Variants in FSD1L observed in about 807,000 individuals in gnomAD.
FSD1L encodes fibronectin type III and SPRY domain containing 1 like.
In FSD1L, 45 loss-of-function variants were observed where a neutral mutation model predicts 71.6. That is an observed-to-expected ratio of 0.63 (90% CI 0.49 to 0.81). The LOEUF is 0.81. Ranked by LOEUF, FSD1L falls within the 30% of genes least tolerant of loss-of-function variation. The pLI is 0.00. For missense variants in FSD1L, 561 were observed against 618.1 expected, an observed-to-expected ratio of 0.91 and a Z score of 0.98; for synonymous variants, 197 against 207.2, an observed-to-expected ratio of 0.95 and a Z score of 0.42.
At chr9:105,452,995 C>A (rs986285051) in intron 1 of FSD1L, among the ~76,000 whole-genome samples, 1 of 149,440 alleles carries the variant, frequency 6.7e-6, no homozygotes, top group Non-Finnish European at 1.5e-5. Flanking sequence ...CCTTGGCCTC[C>A]TAAAGTGCTG....
chr9:105,494,904 G>A (rs188275338), intron 7 of FSD1L, among the ~76,000 whole-genome samples: 39 of 152,258 alleles, frequency 2.6e-4, no homozygotes, highest in Admixed American at 1.3e-3. Context: ...GTGTCAGTCT[G>A]CCCCTATGGA....
At chr9:105,510,048 G>A (rs1337685081) in intron 9 of FSD1L, among the ~76,000 whole-genome samples, 1 of 152,046 alleles carries the variant, frequency 6.6e-6, no homozygotes, top group African/African-American at 2.4e-5. Flanking sequence ...CCTAAATGTG[G>A]TGAATTATAA....
Position 105,495,226 on chromosome 9 carries a change from C to T in FSD1L, c.586+10724C>T, listed in dbSNP as rs191440886. Among the ~76,000 whole-genome samples the T allele has an allele frequency of 2.4e-4, 36 of 152,322 alleles. No individual in the cohort carries two copies. The East Asian group carries it at 2.7e-3, about 11-fold the overall frequency. ...ATGGCGGGTGCCCCTCCCCTAGCCT[C>T]GCTGCCACCTTGCAGTTTGATCTCA... On this transcript the variant is annotated intron_variant, in intron 7 of 13. Coordinates refer to ENST00000481272, the MANE Select transcript of FSD1L (RefSeq NM_001145313.3).
chr9:105,543,992 C>T (rs1030847954), intron 13 of FSD1L, among the ~76,000 whole-genome samples: 8 of 152,128 alleles, frequency 5.3e-5, no homozygotes, highest in Non-Finnish European at 1.0e-4. Context: ...GTTCTAGATC[C>T]CTGAGGAATC....
At chr9:105,495,360 A>G (rs1833298132) in intron 7 of FSD1L, among the ~76,000 whole-genome samples, 1 of 152,170 alleles carries the variant, frequency 6.6e-6, no homozygotes, top group Non-Finnish European at 1.5e-5. Context: ...GGAAAAGTGC[A>G]GTATTGGGGT....
intron 3 of FSD1L, among the ~76,000 whole-genome samples, chr9:105,466,350 C>G (rs1831066918): frequency 2.6e-5 from 4 of 152,050 alleles, no homozygotes. Context: ...ATCCAAATAC[C>G]AATGTCATTT....
chr9:105,455,345 G>A (rs1588911615), intron 1 of FSD1L, among the ~76,000 whole-genome samples: 1 of 152,240 alleles, frequency 6.6e-6, no homozygotes, highest in East Asian at 1.9e-4. Context: ...GTGGCTCTGG[G>A]TTTCTTCAGC....
intron 10 of FSD1L, 121 bp from the exon 11 acceptor site, chr9:105,534,372 G>A: frequency 1.7e-6 from 1 of 587,398 alleles, no homozygotes; most frequent in South Asian, 2.2e-5. Context: ...ATTGAATGGT[G>A]TTATTTCTAT....
intron 7 of FSD1L, among the ~76,000 whole-genome samples, chr9:105,493,995 T>G (rs1397273703): frequency 1.3e-5 from 2 of 152,202 alleles, no homozygotes; most frequent in Non-Finnish European, 2.9e-5. Context: ...TTGCTCTTCT[T>G]GAGGAGTATC....
chr9:105,520,757 A>G, intron 10 of FSD1L: 1 of 1,612,892 alleles, frequency 6.2e-7, no homozygotes, highest in Non-Finnish European at 8.5e-7. Context: ...ATGGACCTCG[A>G]ACTTTAGATA....
chr9:105,547,059 A>G lies in FSD1L; in HGVS notation c.*576A>G, dbSNP rs549247279. On this transcript the variant is annotated 3_prime_UTR_variant, in exon 14 of 14. Transcript: ENST00000481272. ...TTGTTTATTGACTAGATTGTATATA[A>G]TTTTCTTTTTTCCAAAATATTGTGA... The G allele has an allele frequency of 3.3e-5, 5 of 152,206 alleles. No individual in the cohort carries two copies. The South Asian group carries it at 8.3e-4, about 25-fold the overall frequency. The allele number at this position is 152,206 out of a possible 1,614,324, so 9.4% of individuals were successfully genotyped here.
At chr9:105,537,844 A>G (rs1473442545) in intron 12 of FSD1L, among the ~76,000 whole-genome samples, 1 of 152,174 alleles carries the variant, frequency 6.6e-6, no homozygotes, top group Non-Finnish European at 1.5e-5. Context: ...TTCACATAGA[A>G]AGCCCTTAAT....
intron 7 of FSD1L, among the ~76,000 whole-genome samples, chr9:105,493,094 G>T (rs1197684688): frequency 6.6e-6 from 1 of 152,196 alleles, no homozygotes; most frequent in Non-Finnish European, 1.5e-5. Flanking sequence ...AATGTTGACA[G>T]TGGGGTTTTA....
intron 10 of FSD1L, chr9:105,525,865 A>G (rs1835476162): frequency 3.2e-6 from 5 of 1,580,632 alleles, no homozygotes; most frequent in South Asian, 2.2e-5. Context: ...ATATTTTGCT[A>G]CCTCTACAGT....
intron 10 of FSD1L, among the ~76,000 whole-genome samples, chr9:105,528,647 C>T (rs546748254): frequency 6.6e-6 from 1 of 152,264 alleles, no homozygotes; most frequent in South Asian, 2.1e-4. Flanking sequence ...GGATTAAAGA[C>T]TTAAAGATAA....
chr9:105,523,665 A>T (rs1024776590), intron 10 of FSD1L: 2 of 1,601,792 alleles, frequency 1.2e-6, no homozygotes, highest in Non-Finnish European at 1.7e-6. Context: ...AACCATGTTG[A>T]CTGATAAATA....
At chr9:105,516,314 C>T (rs1225931624) in intron 10 of FSD1L, among the ~76,000 whole-genome samples, 1 of 152,164 alleles carries the variant, frequency 6.6e-6, no homozygotes, top group Non-Finnish European at 1.5e-5. Context: ...AAGCAGCGGA[C>T]CTCCAAGCAC....
chr9:105,492,511 T>C (rs150690304), intron 7 of FSD1L, among the ~76,000 whole-genome samples: 3,816 of 152,112 alleles, frequency 0.025, 190 homozygotes, highest in African/African-American at 0.087. Context: ...CAGTTCTGCT[T>C]TGATTTTAGT....
intron 7 of FSD1L, among the ~76,000 whole-genome samples, chr9:105,497,804 A>G (rs1833507853): frequency 6.6e-6 from 1 of 150,850 alleles, no homozygotes; most frequent in Non-Finnish European, 1.5e-5. Context: ...TTTTCCATTG[A>G]TTTCCCTCTT....
Sources: gnomAD v4.1 joint callset for allele counts (sites outside exome capture counted in the v4.1 genomes callset) on GRCh38, gnomAD v4.1.1 for gene constraint, MANE v1.5 for transcripts, NCBI Gene and HGNC (gene_info 2026-07-23, HGNC 2026-07-21) for gene names.